Variants in TRIM69 observed in about 807,000 individuals in gnomAD.
The protein encoded by TRIM69 is tripartite motif containing 69.
Under a neutral mutation model 37.7 loss-of-function variants are expected in TRIM69, and 29 were observed. The ratio of observed to expected loss-of-function variants is 0.77; its 90% CI spans 0.57 to 1.05. The LOEUF is 1.05. TRIM69 is among the 50% of genes least tolerant of loss of function. The pLI is 0.00. For missense variants in TRIM69, 596 were observed against 579.9 expected (o/e 1.03, Z -0.28); for synonymous variants, 209 against 212.4 (o/e 0.98, Z 0.14).
At chr15:44,739,604 C>T (rs540030224) in intron 1 of TRIM69, among the ~76,000 whole-genome samples, 23 of 152,352 alleles carry the variant, frequency 1.5e-4, no homozygotes, top group East Asian at 3.9e-4. Flanking sequence ...GAGGGCCCTA[C>T]GCCCATGGAG....
At chr15:44,755,598 G>A (rs559299531) in intron 2 of TRIM69, among the ~76,000 whole-genome samples, 1 of 152,266 alleles carries the variant, frequency 6.6e-6, no homozygotes, top group African/African-American at 2.4e-5. Flanking sequence ...AATCAAATCT[G>A]TACCTAAACT....
intron 1 of TRIM69, among the ~76,000 whole-genome samples, chr15:44,740,585 G>C (rs1284785217): frequency 1.3e-5 from 2 of 152,100 alleles, no homozygotes; most frequent in East Asian, 3.8e-4. Context: ...CACATGCAGA[G>C]ACACACATAG....
rs146347944 is a variant in TRIM69 at position 44,755,103 on chromosome 15, G to C, written c.210G>C (p.Arg70Ser). The C allele has an allele frequency of 3.1e-6, 5 of 1,614,178 alleles. No individual in the cohort carries two copies. The Admixed American group carries it at 8.3e-5, about 27-fold the overall frequency. Residue 70 changes from arginine (R) to serine (S), a missense_variant, in exon 2 of 7, where the codon AGG (arginine) becomes AGC (serine). Coordinates refer to ENST00000329464, the MANE Select transcript of TRIM69 (RefSeq NM_182985.5). ...AAGCCTGTATCCAAGACTTTTGGAGGCTGCAAGCAAAGGAAACATTCTGTC... is the reference window on the plus strand; with the variant it reads ...AAGCCTGTATCCAAGACTTTTGGAGCCTGCAAGCAAAGGAAACATTCTGTC... Reference protein sequence around the residue: ...FCEACIQDFWRLQAKETFCPE... With the variant: ...FCEACIQDFWSLQAKETFCPE...
chr15:44,736,861 C>G, intron 1 of TRIM69, 151 bp downstream of exon 1: 1 of 798,310 alleles, frequency 1.3e-6, no homozygotes, highest in Non-Finnish European at 1.9e-6. Context: ...ACTATACTCT[C>G]TCCAAGCCTT....
At position 44,755,379 on chromosome 15, in the gene TRIM69, G is replaced by C. The variant is rs2087624507; in HGVS notation, c.483+3G>C. 9 of 1,605,066 alleles carry C rather than the reference G, an allele frequency of 5.6e-6. No individual in the cohort carries two copies. In the African/African-American group the frequency reaches 8.0e-5, roughly 14 times the overall value. The stretch of plus-strand genomic sequence containing the variant: ...CTGATGCTGTCCATTTCTTCACGGT[G>C]GGTGAGCCCTGGGCCTTGAACAATC... On this transcript the variant is annotated splice_donor_region_variant and intron_variant, in intron 2 of 6. Coordinates refer to ENST00000329464, the MANE Select transcript of TRIM69 (RefSeq NM_182985.5).
At chr15:44,756,176 G>T in intron 2 of TRIM69, among the ~76,000 whole-genome samples, 192 bp from the exon 3 acceptor site, 1 of 152,218 alleles carries the variant, frequency 6.6e-6, no homozygotes. Context: ...ACAGATGTGA[G>T]CTGCCACACC....
intron 3 of TRIM69, 114 bp downstream of exon 3, chr15:44,756,577 T>C: frequency 1.5e-6 from 1 of 649,786 alleles, no homozygotes; most frequent in Non-Finnish European, 2.6e-6. Context: ...AAATGGTACC[T>C]AGGCTATGGA....
chr15:44,761,685 G>C (rs1052685338), intron 6 of TRIM69, among the ~76,000 whole-genome samples: 2 of 152,130 alleles, frequency 1.3e-5, no homozygotes, highest in Non-Finnish European at 2.9e-5. Context: ...GGCTGATCTT[G>C]AACTCCTGGC....
At chr15:44,736,825 T>A in intron 1 of TRIM69, 115 bp downstream of exon 1, 4 of 1,266,296 alleles carry the variant, frequency 3.2e-6, no homozygotes, top group Non-Finnish European at 4.4e-6. Context: ...TGAAGGGAAG[T>A]ATTTAACTTG....
chr15:44,765,852 C>G (rs375037418), intron 6 of TRIM69, among the ~76,000 whole-genome samples: 23 of 152,006 alleles, frequency 1.5e-4, no homozygotes, highest in African/African-American at 5.3e-4. Context: ...CCAATAACAA[C>G]AAATGCATGC....
At chr15:44,764,796 T>C (rs1437995137) in intron 6 of TRIM69, among the ~76,000 whole-genome samples, 1 of 152,188 alleles carries the variant, frequency 6.6e-6, no homozygotes, top group East Asian at 1.9e-4. Flanking sequence ...AAAAGCATTC[T>C]AGGACAAGGG....
intron 1 of TRIM69, among the ~76,000 whole-genome samples, chr15:44,741,327 G>A (rs1042956539): frequency 4.6e-5 from 7 of 151,832 alleles, no homozygotes; most frequent in Admixed American, 2.0e-4. Context: ...GTGTGTAGAG[G>A]GAAATTTATA....
chr15:44,752,193 AG>A (rs1176488769), intron 1 of TRIM69, among the ~76,000 whole-genome samples: 57 of 152,156 alleles, frequency 3.7e-4, no homozygotes, highest in African/African-American at 1.3e-3. Context: ...ATTGATTTCT[AG>A]TTTCATTCCA....
intron 1 of TRIM69, among the ~76,000 whole-genome samples, chr15:44,750,394 G>A (rs1216592776): frequency 1.3e-5 from 2 of 151,952 alleles, no homozygotes; most frequent in African/African-American, 2.4e-5. Context: ...TTTGTTGGGA[G>A]GATTTTGATT....
intron 6 of TRIM69, among the ~76,000 whole-genome samples, chr15:44,764,523 G>C (rs2087847046): frequency 6.6e-6 from 1 of 151,702 alleles, no homozygotes. Flanking sequence ...GTAAAGGTTT[G>C]AAGAGTAAAT....
chr15:44,744,395 A>T (rs1454666137), intron 1 of TRIM69, among the ~76,000 whole-genome samples: 1 of 150,910 alleles, frequency 6.6e-6, no homozygotes, highest in East Asian at 1.9e-4. Flanking sequence ...AACATGGCAC[A>T]TGTATACATA....
Position 44,759,729 on chromosome 15 carries a change from TG to T in TRIM69, c.837-18del, listed in dbSNP as rs771627975. The T allele has an allele frequency of 5.0e-6, 8 of 1,614,144 alleles. No homozygotes were observed. The East Asian group carries it at 1.8e-4, about 36-fold the overall frequency. On this transcript the variant is annotated intron_variant, in intron 5 of 6. Transcript: ENST00000329464. ...TCTCTGGAGGATGTCTAAGGATAAA[TG>T]ATTTATGTGCCCTGCAGCTTGGAGC...
intron 1 of TRIM69, among the ~76,000 whole-genome samples, chr15:44,752,448 T>A (rs1182894480): frequency 2.0e-5 from 3 of 152,322 alleles, no homozygotes; most frequent in Admixed American, 2.0e-4. Flanking sequence ...AGCTACTCCA[T>A]CTTTTTTGGG....
intron 1 of TRIM69, among the ~76,000 whole-genome samples, chr15:44,749,634 G>A (rs929523724): frequency 6.6e-6 from 1 of 152,126 alleles, no homozygotes; most frequent in African/African-American, 2.4e-5. Context: ...ATTAGTTAAT[G>A]TGCATTTGGA....
Sources: gnomAD v4.1 joint callset for allele counts (sites outside exome capture counted in the v4.1 genomes callset) on GRCh38, gnomAD v4.1.1 for gene constraint, MANE v1.5 for transcripts, NCBI Gene and HGNC (gene_info 2026-07-23, HGNC 2026-07-21) for gene names.